Variants in SGCD observed in about 807,000 individuals in gnomAD.
The protein encoded by SGCD is delta-sarcoglycan.
SGCD carries 18 observed loss-of-function variants against 36.6 expected under a neutral mutation model. That is an observed-to-expected ratio of 0.49 (90% CI 0.34 to 0.73). SGCD has a LOEUF of 0.73. Ranked by LOEUF, SGCD falls within the 30% of genes least tolerant of loss-of-function variation. The pLI is 0.01. For missense variants in SGCD, 387 were observed against 346.7 expected (o/e 1.12, Z -0.92); for synonymous variants, 133 against 130.6 (o/e 1.02, Z -0.12).
intron 4 of SGCD, among the ~76,000 whole-genome samples, chr5:156,528,410 C>CTTT (rs1757732458): frequency 6.6e-6 from 1 of 151,688 alleles, no homozygotes; most frequent in Non-Finnish European, 1.5e-5. Context: ...TCTTTTTTTG[C>CTTT]CACCGTCTCC....
At chr5:155,855,408 A>C in the SGCD span, among the ~76,000 whole-genome samples, 1 of 152,014 alleles carries the variant, frequency 6.6e-6, no homozygotes, top group Non-Finnish European at 1.5e-5. Context: ...TTCCTGTTTC[A>C]TTTACCTACC....
intron 7 of SGCD, among the ~76,000 whole-genome samples, chr5:156,705,430 G>T (rs1370978623): frequency 2.0e-5 from 3 of 152,086 alleles, no homozygotes; most frequent in African/African-American, 7.2e-5. Flanking sequence ...AACAGCCGTT[G>T]GTTGGTTTTG....
At chr5:155,883,956 C>G (rs530264025) in intron 1 of SGCD, among the ~76,000 whole-genome samples, 3 of 152,196 alleles carry the variant, frequency 2.0e-5, no homozygotes, top group East Asian at 3.9e-4. Flanking sequence ...GACTAAATTT[C>G]AGGTTTCTAG....
At chr5:156,208,841 A>G (rs1764359892) in intron 3 of SGCD, among the ~76,000 whole-genome samples, 1 of 152,232 alleles carries the variant, frequency 6.6e-6, no homozygotes, top group Non-Finnish European at 1.5e-5. Context: ...ATCACTTTGC[A>G]CAACTATCCA....
intron 8 of SGCD, 109 bp from the exon 9 acceptor site, chr5:156,759,108 G>C: frequency 1.2e-6 from 1 of 809,658 alleles, no homozygotes; most frequent in Non-Finnish European, 2.1e-6. Flanking sequence ...CACATAGTAG[G>C]TGCTCATTAG....
intron 5 of SGCD, among the ~76,000 whole-genome samples, chr5:156,593,016 C>T (rs752833697): frequency 1.9e-4 from 28 of 150,982 alleles, no homozygotes; most frequent in Admixed American, 4.0e-4. Flanking sequence ...TGGTTTCCTA[C>T]ACTCACAGCA....
chr5:156,255,357 T>C (rs889183874), intron 3 of SGCD, among the ~76,000 whole-genome samples: 3 of 152,224 alleles, frequency 2.0e-5, no homozygotes, highest in Non-Finnish European at 4.4e-5. Context: ...TAAAAATTTA[T>C]ATTCCTTATT....
At chr5:156,281,601 C>T (rs1002143497) in intron 3 of SGCD, among the ~76,000 whole-genome samples, 2 of 152,168 alleles carry the variant, frequency 1.3e-5, no homozygotes, top group Admixed American at 1.3e-4. Context: ...ATCTCTCCCT[C>T]TCCTGCCAAG....
intron 2 of SGCD, among the ~76,000 whole-genome samples, chr5:156,122,830 G>T: frequency 1.1e-5 from 1 of 87,850 alleles, no homozygotes; most frequent in African/African-American, 4.4e-5. Flanking sequence ...CAGCATGGTA[G>T]TAAAAGATGT....
chr5:156,174,104 G>A (rs1396850676), intron 3 of SGCD, among the ~76,000 whole-genome samples: 1 of 152,210 alleles, frequency 6.6e-6, no homozygotes, highest in African/African-American at 2.4e-5. Context: ...TTTACTATGT[G>A]CTGGCTGCCG....
chr5:156,357,821 C>A (rs1164960146), intron 3 of SGCD, among the ~76,000 whole-genome samples: 2 of 152,192 alleles, frequency 1.3e-5, no homozygotes, highest in Non-Finnish European at 2.9e-5. Flanking sequence ...TACCAGCCAG[C>A]TTTATTAAGT....
At chr5:155,774,988 C>A in the SGCD span, among the ~76,000 whole-genome samples, 1 of 152,120 alleles carries the variant, frequency 6.6e-6, no homozygotes, top group Admixed American at 6.6e-5. Context: ...TACTTTTTGT[C>A]TAATTTGCAT....
chr5:156,171,696 T>G (rs1272472100), intron 3 of SGCD, among the ~76,000 whole-genome samples: 4 of 152,156 alleles, frequency 2.6e-5, no homozygotes, highest in African/African-American at 9.7e-5. Flanking sequence ...CTTTTAAAAT[T>G]CTTCTGTAAA....
At chr5:156,079,255 G>A (rs561336882) in intron 1 of SGCD, among the ~76,000 whole-genome samples, 46 of 152,126 alleles carry the variant, frequency 3.0e-4, no homozygotes, top group East Asian at 2.3e-3. Flanking sequence ...GATCTGCCCC[G>A]CATGACCCAA....
intron 3 of SGCD, among the ~76,000 whole-genome samples, chr5:156,192,130 G>A (rs13354519): frequency 0.019 from 2,931 of 152,098 alleles, 71 homozygotes; most frequent in African/African-American, 0.058. Context: ...ACATCGTGAC[G>A]GTCTATATTT....
At chr5:156,283,168 G>A (rs1561599370) in intron 3 of SGCD, among the ~76,000 whole-genome samples, 2 of 152,184 alleles carry the variant, frequency 1.3e-5, no homozygotes, top group South Asian at 4.1e-4. Flanking sequence ...GGTGGTTGTA[G>A]AGGAGGATGG....
the SGCD span, among the ~76,000 whole-genome samples, chr5:155,860,749 G>C: frequency 6.6e-6 from 1 of 152,142 alleles, no homozygotes; most frequent in African/African-American, 2.4e-5. Flanking sequence ...GCTCTCAAGA[G>C]ATTCACTTAA....
intron 8 of SGCD, among the ~76,000 whole-genome samples, chr5:156,758,901 A>G (rs1372399448): frequency 6.6e-6 from 1 of 152,234 alleles, no homozygotes; most frequent in Non-Finnish European, 1.5e-5. Flanking sequence ...GGGAAGTCCC[A>G]TAGTAAAGAA....
chr5:156,291,709 C>G (rs1766761243), intron 3 of SGCD, among the ~76,000 whole-genome samples: 1 of 151,952 alleles, frequency 6.6e-6, no homozygotes. Flanking sequence ...CCTTTACTCT[C>G]TAGATTTTTT....
Sources: allele counts gnomAD v4.1 joint callset (sites outside exome capture counted in the v4.1 genomes callset), GRCh38; gene constraint gnomAD v4.1.1; transcripts MANE v1.5; gene names NCBI Gene and HGNC (gene_info 2026-07-23, HGNC 2026-07-21).